Variants in LTBP1 observed in about 807,000 individuals in gnomAD.
LTBP1 encodes the protein latent transforming growth factor beta binding protein 1, also known as latent-transforming growth factor beta-binding protein 1.
LTBP1 carries 129 observed loss-of-function variants against 207.6 expected under a neutral mutation model. The observed-to-expected ratio is 0.62, with a 90% confidence interval of 0.54 to 0.72. The LOEUF (loss-of-function observed/expected upper bound fraction) is 0.72. LTBP1 is among the 30% of genes least tolerant of loss of function. The probability of loss-of-function intolerance (pLI) is 0.00; values close to 1 mark genes in which losing one functional copy is unlikely to be tolerated. For missense variants in LTBP1, 2,281 were observed against 2,217.2 expected, an observed-to-expected ratio of 1.03 and a Z score of -0.58; for synonymous variants, 963 against 833.7, an observed-to-expected ratio of 1.16 and a Z score of -2.67.
chr2:33,389,699 G>A (rs1011458708), intron 32 of LTBP1, among the ~76,000 whole-genome samples: 1 of 152,142 alleles, frequency 6.6e-6, no homozygotes. Context: ...GAGTGCAGTG[G>A]CACGATCTCA....
chr2:33,270,846 C>T (rs2093305010), intron 15 of LTBP1, among the ~76,000 whole-genome samples: 1 of 152,122 alleles, frequency 6.6e-6, no homozygotes, highest in African/African-American at 2.4e-5. Context: ...AGCCACGTCT[C>T]TATATACTTA....
intron 2 of LTBP1, among the ~76,000 whole-genome samples, chr2:32,979,060 T>TTGTTATGTAG (rs1438583673): frequency 1.3e-5 from 2 of 151,926 alleles, no homozygotes; most frequent in Non-Finnish European, 2.9e-5. Flanking sequence ...TTTTTTCATC[T>TTGTTATGTAG]TTGATTTTAT....
At chr2:33,093,834 C>T (rs2079238899) in intron 3 of LTBP1, among the ~76,000 whole-genome samples, 1 of 151,898 alleles carries the variant, frequency 6.6e-6, no homozygotes, top group African/African-American at 2.4e-5. Context: ...TCATCATCAT[C>T]TCAAAACTTG....
intron 2 of LTBP1, among the ~76,000 whole-genome samples, chr2:33,010,574 A>T (rs1687537595): frequency 6.6e-6 from 1 of 152,154 alleles, no homozygotes; most frequent in African/African-American, 2.4e-5. Context: ...TGGATGCCCT[A>T]AATATGCTGA....
chr2:33,252,125 C>T (rs1023525723), intron 10 of LTBP1, among the ~76,000 whole-genome samples: 4 of 152,152 alleles, frequency 2.6e-5, no homozygotes, highest in African/African-American at 9.7e-5. Context: ...GTGTGGCACT[C>T]GAAATCAGAA....
chr2:33,370,596 A>G (rs1431652503), intron 31 of LTBP1, among the ~76,000 whole-genome samples: 2 of 152,246 alleles, frequency 1.3e-5, no homozygotes, highest in Non-Finnish European at 2.9e-5. Flanking sequence ...GTTATCTATC[A>G]TAAAGGAAGC....
chr2:33,184,690 T>C (rs1472494815), intron 5 of LTBP1, among the ~76,000 whole-genome samples: 1 of 152,172 alleles, frequency 6.6e-6, no homozygotes, highest in Non-Finnish European at 1.5e-5. Flanking sequence ...AAGTCCTAGA[T>C]GGGCAGGGAC....
Position 33,363,948 on chromosome 2 carries a change from A to C in LTBP1, c.4400-268A>C, listed in dbSNP as rs569894572. On this transcript the variant is annotated intron_variant, in intron 29 of 33. Transcript: ENST00000404816. ...TAAAAGTTATCATAAAGAGCCATTT[A>C]ATCTTAAATTTCTAAGCATATCCTG... is the stretch of plus-strand genomic sequence containing the variant. 1.5e-3 allele frequency among the ~76,000 whole-genome samples: 235 copies of C among 152,352 alleles called. 1 individual carries two copies. Among genetic ancestry groups the C allele is most frequent in the South Asian group, 0.014 (67 of 4,822 alleles).
In LTBP1 at chr2:33,249,323, T is replaced by TCACACACACACA. The variant is rs61249844; in HGVS notation, c.2000-3321_2000-3310dup. On this transcript the variant is annotated intron_variant, in intron 10 of 33. Transcript: ENST00000404816. Reference sequence around the variant, plus strand: ...AGGTCATCTCAGTAGGTCTGATTTTTCACACACACACACACACACACACAC... The same window carrying TCACACACACACA: ...AGGTCATCTCAGTAGGTCTGATTTTTCACACACACACACACACACACACACACACACACACAC... Among the ~76,000 whole-genome samples, 787 of 141,392 alleles carry TCACACACACACA rather than the reference T, an allele frequency of 5.6e-3. 4 individuals carry two copies. The highest frequency in any genetic ancestry group is 0.028 in the Middle Eastern group (8 of 286). The allele number at this position is 141,392 out of a possible 152,430, so 92.8% of individuals were successfully genotyped here.
chr2:33,252,035 A>T (rs1284184471), intron 10 of LTBP1, among the ~76,000 whole-genome samples: 4 of 152,202 alleles, frequency 2.6e-5, no homozygotes, highest in Non-Finnish European at 5.9e-5. Context: ...AGCCTTGTAT[A>T]CTTTTGCAGT....
At chr2:32,996,207 G>A (rs920629013) in intron 2 of LTBP1, among the ~76,000 whole-genome samples, 2 of 152,180 alleles carry the variant, frequency 1.3e-5, no homozygotes, top group African/African-American at 2.4e-5. Flanking sequence ...TGGAGGCTGG[G>A]AAGTCAAGAT....
intron 3 of LTBP1, among the ~76,000 whole-genome samples, chr2:33,037,500 T>C (rs2075982269): frequency 6.6e-6 from 1 of 152,240 alleles, no homozygotes; most frequent in South Asian, 2.1e-4. Flanking sequence ...TAGTGTATGT[T>C]GTCTTATTAT....
chr2:32,994,988 A>G (rs1263610365), intron 2 of LTBP1, among the ~76,000 whole-genome samples: 2 of 152,148 alleles, frequency 1.3e-5, no homozygotes, highest in Admixed American at 6.5e-5. Flanking sequence ...TCAGAAGTTC[A>G]AGACCAACCT....
chr2:33,174,313 G>C (rs2148509061), intron 5 of LTBP1, among the ~76,000 whole-genome samples: 1 of 151,668 alleles, frequency 6.6e-6, no homozygotes, highest in South Asian at 2.1e-4. Flanking sequence ...CAAAGTCTCA[G>C]GATACAAAAT....
chr2:33,388,364 AG>A (rs987889454), intron 31 of LTBP1, among the ~76,000 whole-genome samples: 3 of 152,180 alleles, frequency 2.0e-5, no homozygotes, highest in Non-Finnish European at 4.4e-5. Flanking sequence ...AGATCATTGC[AG>A]GGGAGACAAA....
At chr2:33,230,522 G>A (rs2091725772) in intron 9 of LTBP1, among the ~76,000 whole-genome samples, 1 of 152,148 alleles carries the variant, frequency 6.6e-6, no homozygotes, top group Non-Finnish European at 1.5e-5. Context: ...ATAGTTATAT[G>A]CTCTGATGGA....
At position 33,134,289 on chromosome 2, in the gene LTBP1, C is replaced by T. The variant is rs545859079; in HGVS notation, c.1034-504C>T. On this transcript the variant is annotated intron_variant, in intron 4 of 33. Transcript: ENST00000404816. This position sits in a 1 kb window ranked among gnomAD's most constrained non-coding sequence, Gnocchi z 4.4. The stretch of plus-strand genomic sequence containing the variant: ...TTGAGACAGATGTTTTCAGACATGC[C>T]GCATGCCTAAAACATTTCCAGGGGT... 33 of 385,870 alleles carry T rather than the reference C, an allele frequency of 8.6e-5. No individual in the cohort carries two copies. The highest frequency in any genetic ancestry group is 9.0e-4 in the Middle Eastern group (1 of 1,106). The allele number at this position is 385,870 out of a possible 1,614,324, so 23.9% of individuals were successfully genotyped here.
At chr2:33,196,367 C>T (rs1186820318) in intron 7 of LTBP1, among the ~76,000 whole-genome samples, 3 of 151,830 alleles carry the variant, frequency 2.0e-5, no homozygotes, top group South Asian at 2.1e-4. Flanking sequence ...ATTTTAAAGC[C>T]GAATTTAAAA....
At chr2:33,159,180 C>G (rs2084251746) in intron 5 of LTBP1, among the ~76,000 whole-genome samples, 1 of 152,150 alleles carries the variant, frequency 6.6e-6, no homozygotes, top group Non-Finnish European at 1.5e-5. Flanking sequence ...GCTTGCTTCC[C>G]TCTCCTAAGT....
Sources: allele counts gnomAD v4.1 joint callset (sites outside exome capture counted in the v4.1 genomes callset), GRCh38; gene constraint gnomAD v4.1.1; non-coding constraint Gnocchi (gnomAD v3.1); transcripts MANE v1.5; gene names NCBI Gene and HGNC (gene_info 2026-07-23, HGNC 2026-07-21).